SP110: variants seen among roughly 807,000 people sequenced by gnomAD.
SP110 encodes SP110 nuclear body protein.
Under a neutral mutation model 92.7 loss-of-function variants are expected in SP110, and 62 were observed. The observed-to-expected ratio is 0.67, with a 90% CI of 0.55 to 0.83. SP110 has a LOEUF of 0.83. Ranked by LOEUF, SP110 falls within the 40% of genes least tolerant of loss-of-function variation. The probability of loss-of-function intolerance (pLI) is 0.00; values close to 1 mark genes in which losing one functional copy is unlikely to be tolerated. For missense variants in SP110, 793 were observed against 863.9 expected (o/e 0.92, Z 1.03); for synonymous variants, 273 against 305.3 (o/e 0.89, Z 1.10).
chr2:230,215,769 G>A (rs906988034), intron 2 of SP110, among the ~76,000 whole-genome samples: 2 of 152,256 alleles, frequency 1.3e-5, no homozygotes, highest in African/African-American at 2.4e-5. Flanking sequence ...GGGGGTCAGG[G>A]TAGGCACTGT....
chr2:230,224,521 G>C (rs1345014022), upstream of SP110, among the ~76,000 whole-genome samples: 2 of 151,564 alleles, frequency 1.3e-5, no homozygotes, highest in African/African-American at 4.9e-5. Context: ...AGGACAGAGA[G>C]AGAGAGAGAG....
intron 12 of SP110, among the ~76,000 whole-genome samples, chr2:230,182,151 T>C (rs911278852): frequency 6.6e-6 from 1 of 152,230 alleles, no homozygotes; most frequent in African/African-American, 2.4e-5. Flanking sequence ...GTCATGTCCT[T>C]TGCAGGGGCA....
chr2:230,177,808 T>C, intron 13 of SP110, 128 bp from the exon 14 acceptor site: 1 of 1,087,906 alleles, frequency 9.2e-7, no homozygotes, highest in Non-Finnish European at 1.4e-6. Flanking sequence ...GTGGAAGGAG[T>C]AGCAGGGGAG....
intron 10 of SP110, among the ~76,000 whole-genome samples, chr2:230,196,530 A>C (rs531995534): frequency 7.0e-6 from 1 of 142,498 alleles, no homozygotes; most frequent in South Asian, 2.2e-4. Flanking sequence ...ATGATTTATA[A>C]TTTTCTTTTT....
At chr2:230,184,965 C>T (rs2042289164) in intron 11 of SP110, among the ~76,000 whole-genome samples, 1 of 152,160 alleles carries the variant, frequency 6.6e-6, no homozygotes, top group African/African-American at 2.4e-5. Context: ...CATTTGTTTA[C>T]GTATTTGCCT....
Position 230,211,422 on chromosome 2 carries a change from A to T in SP110, c.751+48T>A. On this transcript the variant is annotated intron_variant, in intron 6 of 18. Transcript: ENST00000258381. This position sits in a 1 kb window ranked among gnomAD's most constrained non-coding sequence, Gnocchi z 4.2. ...GATCCGAATGGCTTTTCCTCTTAGTAAACACAGAAACAAAGGCAAGCTTTT... is the reference window on the plus strand; with the variant it reads ...GATCCGAATGGCTTTTCCTCTTAGTTAACACAGAAACAAAGGCAAGCTTTT... 1 of 1,193,126 alleles carries T rather than the reference A, an allele frequency of 8.4e-7. No individual in the cohort carries two copies. The highest frequency in any genetic ancestry group is 1.3e-6 in the Non-Finnish European group (1 of 795,598). The allele number at this position is 1,193,126 out of a possible 1,614,324, so 73.9% of individuals were successfully genotyped here.
In SP110 at chr2:230,202,605, T is replaced by G; in HGVS notation, c.1022A>C (p.Glu341Ala). The change falls in exon 9 of 19, where the codon GAA becomes GCA. Residue 341 changes from glutamate to alanine, a missense_variant. By Grantham distance (107) the Glu-to-Ala change is moderately radical. Coordinates refer to ENST00000258381, the MANE Select transcript of SP110 (RefSeq NM_080424.4). The part of the protein sequence containing the change: ...VETRAQKART[E>A]CARKSRSEEI... ...CTCTGATCTCGACTTTCGGGCACAT[T>G]CAGTTCTCGCCTTTTGGGCCCTTGT... is the stretch of plus-strand genomic sequence containing the variant. The G allele has an allele frequency of 6.2e-7, 1 of 1,614,208 alleles. No homozygotes were observed. The highest frequency in any genetic ancestry group is 1.1e-5 in the South Asian group (1 of 91,090).
intron 10 of SP110, among the ~76,000 whole-genome samples, chr2:230,197,002 T>G (rs1402482018): frequency 1.3e-5 from 2 of 152,202 alleles, no homozygotes; most frequent in Non-Finnish European, 2.9e-5. Context: ...ACAATAAACA[T>G]ACGTGTGCAT....
chr2:230,208,171 T>C, intron 7 of SP110, 112 bp from the exon 8 acceptor site: 1 of 691,772 alleles, frequency 1.4e-6, no homozygotes, highest in South Asian at 1.6e-5. Context: ...TAGAAGTTCA[T>C]TGGTGACCTT....
chr2:230,176,772 C>G (rs1560528012), intron 14 of SP110: 2 of 1,602,064 alleles, frequency 1.2e-6, no homozygotes, highest in African/African-American at 1.3e-5. Context: ...GGAGGTTTTT[C>G]TTTTGTAGAT....
chr2:230,181,211 T>C (rs575726527), intron 12 of SP110, among the ~76,000 whole-genome samples: 2 of 152,322 alleles, frequency 1.3e-5, no homozygotes, highest in Non-Finnish European at 2.9e-5. Context: ...TTTCAAGAAT[T>C]GGCTCTGACA....
At chr2:230,206,265 C>T (rs2043787490) in intron 8 of SP110, among the ~76,000 whole-genome samples, 1 of 152,054 alleles carries the variant, frequency 6.6e-6, no homozygotes, top group Non-Finnish European at 1.5e-5. Flanking sequence ...TGGCTCCTGC[C>T]TCCATCACCA....
At chr2:230,213,419 A>G (rs188198635) in intron 3 of SP110, among the ~76,000 whole-genome samples, 1 of 152,324 alleles carries the variant, frequency 6.6e-6, no homozygotes, top group Non-Finnish European at 1.5e-5. Flanking sequence ...ACTTCCCCGA[A>G]GCAAATAAGA....
chr2:230,219,931 C>G lies in SP110; in HGVS notation c.-59G>C, dbSNP rs554976318. ...CCAGGGGCTGGGACAGGGATCACTCCTCAAGATTGGGAGAGTTACAGGGAG... is the reference window on the plus strand; with the variant it reads ...CCAGGGGCTGGGACAGGGATCACTCGTCAAGATTGGGAGAGTTACAGGGAG... On this transcript the variant is annotated 5_prime_UTR_variant, in exon 1 of 19. Coordinates refer to ENST00000258381, the MANE Select transcript of SP110 (RefSeq NM_080424.4). 3.0e-6 allele frequency: 3 copies of G among 985,580 alleles called. No homozygotes were observed. The African/African-American group carries it at 5.2e-5, about 17-fold the overall frequency. 61.1% of individuals were successfully genotyped at this position (985,580 alleles called of 1,614,324 possible).
chr2:230,212,473 T>A (rs2044600330), intron 4 of SP110, 43 bp from the exon 5 acceptor site: 2 of 1,440,210 alleles, frequency 1.4e-6, no homozygotes, highest in Non-Finnish European at 2.0e-6. Flanking sequence ...AGGGACTGGA[T>A]GTCAGGGAGA....
intron 10 of SP110, among the ~76,000 whole-genome samples, chr2:230,199,142 A>ATTG (rs1386588217): frequency 8.4e-6 from 1 of 119,760 alleles, no homozygotes; most frequent in Non-Finnish European, 1.7e-5. Flanking sequence ...TATTATTATT[A>ATTG]TTATTATTTT....
chr2:230,183,691 C>A (rs2042230045), intron 11 of SP110, 51 bp from the exon 12 acceptor site: 1 of 1,147,546 alleles, frequency 8.7e-7, no homozygotes, highest in East Asian at 2.3e-5. Flanking sequence ...GATTTATAAG[C>A]CTCATAGGTT....
At chr2:230,173,634 G>T (rs2041715038) in intron 14 of SP110, 1 of 152,440 alleles carries the variant, frequency 6.6e-6, no homozygotes, top group African/African-American at 2.4e-5. Context: ...TTAGAGAAAG[G>T]GTGATTATCC....
chr2:230,177,623 A>G lies in SP110; in HGVS notation c.1505T>C (p.Phe502Ser), dbSNP rs202140026. The change falls in exon 14 of 19, where the codon TTT becomes TCT. Residue 502 changes from phenylalanine (F) to serine (S), a missense_variant. Coordinates refer to ENST00000258381, the MANE Select transcript of SP110 (RefSeq NM_080424.4). ...EDGTWLTPNE[F>S]EVEGKGRNAK... ...GTTCCTTCCTTTTCCTTCGACTTCA[A>G]ATTCATTTGGTGTTAACCAAGTTCC... 1.2e-6 allele frequency: 2 copies of G among 1,614,036 alleles called. No homozygotes were observed. Among genetic ancestry groups the G allele is most frequent in the Non-Finnish European group, 1.7e-6 (2 of 1,179,990 alleles).
Sources: allele counts gnomAD v4.1 joint callset (sites outside exome capture counted in the v4.1 genomes callset), GRCh38; gene constraint gnomAD v4.1.1; non-coding constraint Gnocchi (gnomAD v3.1); transcripts MANE v1.5; gene names NCBI Gene and HGNC (gene_info 2026-07-23, HGNC 2026-07-21).